The following IMPG2 variants were observed in gnomAD, a reference collection of about 807,000 sequenced individuals.
IMPG2 encodes IPM 200.
IMPG2 carries 91 observed loss-of-function variants against 129.2 expected under a neutral mutation model. That is an observed-to-expected ratio of 0.70 (90% confidence interval 0.59 to 0.84). The LOEUF (loss-of-function observed/expected upper bound fraction) is 0.84, where lower values mean the gene tolerates loss of function less well. IMPG2 is among the 40% of genes least tolerant of loss of function. IMPG2 has a pLI of 0.00. For synonymous variants in IMPG2, 510 were observed against 517.7 expected (o/e 0.99, Z 0.20); for missense variants, 1,430 against 1,461.7 (o/e 0.98, Z 0.35).
chr3:101,286,989 G>A (rs1034103448), intron 4 of IMPG2, among the ~76,000 whole-genome samples: 1 of 152,112 alleles, frequency 6.6e-6, no homozygotes, highest in African/African-American at 2.4e-5. Flanking sequence ...CTGTGATCAG[G>A]TATTTATTAG....
intron 15 of IMPG2, among the ~76,000 whole-genome samples, chr3:101,232,429 G>T (rs1253067985): frequency 6.6e-6 from 1 of 151,956 alleles, no homozygotes; most frequent in Admixed American, 6.6e-5. Flanking sequence ...GTAGAGATGG[G>T]GTTTCGCCAT....
rs781308766 is a variant in IMPG2 at position 101,229,378 on chromosome 3, A to C, written c.3633+2T>G. ...CAGCAACATAAATGCAAAGTTTCCC[A>C]CCTCTCTGGAAAGCTCACTGCTCTC... On this transcript the variant is annotated splice_donor_variant, in intron 17 of 18. Transcript: ENST00000193391. LOFTEE classifies it high-confidence loss of function. The C allele has an allele frequency of 3.5e-6, 5 of 1,446,224 alleles. No individual in the cohort carries two copies. The allele number at this position is 1,446,224 out of a possible 1,614,324, so 89.6% of individuals were successfully genotyped here. A position where few individuals can be genotyped will look rare whatever the true frequency, so the allele number is the denominator to read the frequency against.
intron 4 of IMPG2, among the ~76,000 whole-genome samples, chr3:101,288,303 A>G (rs1219534337): frequency 2.0e-5 from 3 of 152,218 alleles, no homozygotes; most frequent in Non-Finnish European, 4.4e-5. Context: ...TAGTTCAGCC[A>G]CTGTGAAAGC....
chr3:101,276,728 G>A lies in IMPG2; in HGVS notation c.534-15C>T. 4.4e-6 allele frequency: 7 copies of A among 1,594,980 alleles called. No individual in the cohort carries two copies. In the South Asian group the frequency reaches 6.6e-5, roughly 15 times the overall value. On this transcript the variant is annotated splice_polypyrimidine_tract_variant and intron_variant, in intron 4 of 18. Coordinates refer to ENST00000193391, the MANE Select transcript of IMPG2 (RefSeq NM_016247.4). The stretch of plus-strand genomic sequence containing the variant: ...ACAGTTCAGAGCTAGAAAAAAAAAT[G>A]TTTGCAGTTAATAAAATGACAGACA...
In IMPG2 at chr3:101,257,551, A is replaced by C. The variant is rs890966341; in HGVS notation, c.1131T>G (p.Pro377=). ...LLGNSSLNPD[P]DSLQLINVRG... Reference sequence around the variant, plus strand: ...CACCATTGATAAGCTGCAGGGAATCAGGATCTGGATTCAAGGAAGAGTTCC... The same window carrying C: ...CACCATTGATAAGCTGCAGGGAATCCGGATCTGGATTCAAGGAAGAGTTCC... Residue 377 remains proline, a synonymous_variant, in exon 10 of 19, where the codon CCT becomes CCG. Coordinates refer to ENST00000193391, the MANE Select transcript of IMPG2 (RefSeq NM_016247.4). The C allele has an allele frequency of 6.8e-6, 11 of 1,613,374 alleles. No individual in the cohort carries two copies. The highest frequency in any genetic ancestry group is 9.3e-6 in the Non-Finnish European group (11 of 1,179,472).
intron 4 of IMPG2, among the ~76,000 whole-genome samples, chr3:101,284,003 GT>G (rs1318872157): frequency 6.6e-6 from 1 of 152,158 alleles, no homozygotes; most frequent in Non-Finnish European, 1.5e-5. Flanking sequence ...TCATACCAGG[GT>G]GGTGGCAGTG....
chr3:101,270,203 C>T (rs1706766955), intron 7 of IMPG2, among the ~76,000 whole-genome samples: 1 of 151,940 alleles, frequency 6.6e-6, no homozygotes, highest in Non-Finnish European at 1.5e-5. Flanking sequence ...TCCCGAAGTG[C>T]TAGGATTACA....
At chr3:101,278,095 C>T (rs1450687251) in intron 4 of IMPG2, among the ~76,000 whole-genome samples, 2 of 152,056 alleles carry the variant, frequency 1.3e-5, no homozygotes, top group African/African-American at 4.8e-5. Flanking sequence ...ATTAGCCAGG[C>T]GTGGTGGCAC....
At chr3:101,255,319 T>C (rs1011257053) in intron 10 of IMPG2, among the ~76,000 whole-genome samples, 1 of 152,138 alleles carries the variant, frequency 6.6e-6, no homozygotes, top group African/African-American at 2.4e-5. Flanking sequence ...ACACTTGAAT[T>C]AGTTGGTACT....
At chr3:101,319,464 G>T in intron 2 of IMPG2, 120 bp downstream of exon 2, 1 of 1,120,334 alleles carries the variant, frequency 8.9e-7, no homozygotes, top group Non-Finnish European at 1.3e-6. Context: ...CAGTAGAAAG[G>T]TAGTTTTGGC....
intron 10 of IMPG2, among the ~76,000 whole-genome samples, chr3:101,256,146 AAAGAAAG>A (rs1332904232): frequency 1.3e-3 from 26 of 19,944 alleles, no homozygotes; most frequent in African/African-American, 3.7e-3. Flanking sequence ...GAAAGAAAGA[AAAGAAAG>A]AAAGAAAGAA....
At chr3:101,278,005 C>A (rs1706856197) in intron 4 of IMPG2, among the ~76,000 whole-genome samples, 1 of 152,122 alleles carries the variant, frequency 6.6e-6, no homozygotes, top group Admixed American at 6.5e-5. Context: ...GAGGTCCAGG[C>A]GGGTCAATCA....
intron 2 of IMPG2, among the ~76,000 whole-genome samples, chr3:101,308,547 A>G (rs1419838119): frequency 6.6e-6 from 1 of 152,242 alleles, no homozygotes; most frequent in Non-Finnish European, 1.5e-5. Flanking sequence ...TGGCTGGCAC[A>G]CAGGGCACCA....
At chr3:101,277,919 G>A (rs987265047) in intron 4 of IMPG2, among the ~76,000 whole-genome samples, 2 of 152,190 alleles carry the variant, frequency 1.3e-5, no homozygotes, top group African/African-American at 4.8e-5. Context: ...GTGATTGTCT[G>A]TTTTCAACTC....
chr3:101,245,797 C>T lies in IMPG2; in HGVS notation c.1543+5G>A. On this transcript the variant is annotated splice_donor_5th_base_variant and intron_variant, in intron 12 of 18. Transcript: ENST00000193391. ...GAAGTACGAAAAGCAATTAAAGTTT[C>T]TCACCATCTTCTACCAAGTGAGATC... The T allele has an allele frequency of 6.2e-7, 1 of 1,613,250 alleles. No homozygotes were observed. Among genetic ancestry groups the T allele is most frequent in the African/African-American group, 1.3e-5 (1 of 75,028 alleles).
chr3:101,234,882 A>T (rs1022052820), intron 14 of IMPG2, among the ~76,000 whole-genome samples: 109 of 152,214 alleles, frequency 7.2e-4, no homozygotes, highest in African/African-American at 2.6e-3. Flanking sequence ...TTTAACTAAA[A>T]ATATAAGATT....
At chr3:101,269,105 T>C (rs1423826533) in intron 8 of IMPG2, among the ~76,000 whole-genome samples, 1 of 152,172 alleles carries the variant, frequency 6.6e-6, no homozygotes, top group Admixed American at 6.5e-5. Flanking sequence ...CTGTTATGTT[T>C]AAAACAAGGA....
At chr3:101,252,023 A>T (rs1272770740) in intron 11 of IMPG2, among the ~76,000 whole-genome samples, 1 of 152,144 alleles carries the variant, frequency 6.6e-6, no homozygotes, top group Non-Finnish European at 1.5e-5. Context: ...GTCCTACAGT[A>T]ATCACTATTC....
At chr3:101,291,650 A>C (rs1346991951) in intron 3 of IMPG2, 140 bp from the exon 4 acceptor site, 8 of 697,094 alleles carry the variant, frequency 1.1e-5, no homozygotes, top group Non-Finnish European at 2.1e-5. Context: ...CAAGTGATTA[A>C]AACAGGTAAT....
Sources: gnomAD v4.1 joint callset for allele counts (sites outside exome capture counted in the v4.1 genomes callset) on GRCh38, gnomAD v4.1.1 for gene constraint, MANE v1.5 for transcripts, NCBI Gene and HGNC (gene_info 2026-07-23, HGNC 2026-07-21) for gene names.